Variants in TBC1D12 observed in about 807,000 individuals in gnomAD.
The protein encoded by TBC1D12 is TBC1 domain family, member 12.
In TBC1D12, 56 loss-of-function variants were observed where a neutral mutation model predicts 86.7. The observed-to-expected ratio is 0.65, with a 90% CI of 0.52 to 0.81. The LOEUF is 0.81. Among genes scored for constraint, TBC1D12 ranks in the 30% least tolerant of loss-of-function variants. The probability of loss-of-function intolerance (pLI) is 0.00; values close to 1 mark genes in which losing one functional copy is unlikely to be tolerated. For missense variants in TBC1D12, 1,023 were observed against 1,038.8 expected (o/e 0.98, Z 0.21); for synonymous variants, 421 against 411.7 (o/e 1.02, Z -0.27).
At chr10:94,457,260 C>T (rs191536463) in intron 2 of TBC1D12, among the ~76,000 whole-genome samples, 2 of 152,150 alleles carry the variant, frequency 1.3e-5, no homozygotes, top group Non-Finnish European at 2.9e-5. Context: ...CCCCTTGTCT[C>T]CCCACCCCCT....
chr10:94,512,745 C>T (rs1301420252), intron 9 of TBC1D12, among the ~76,000 whole-genome samples: 1 of 152,118 alleles, frequency 6.6e-6, no homozygotes, highest in Non-Finnish European at 1.5e-5. Context: ...TTGAAAAGAT[C>T]GTAAGATAGT....
chr10:94,422,287 T>C (rs530126546), intron 1 of TBC1D12, among the ~76,000 whole-genome samples: 3 of 150,854 alleles, frequency 2.0e-5, no homozygotes, highest in African/African-American at 7.3e-5. Flanking sequence ...CCTCCCGGGT[T>C]CAAGCAATTC....
At chr10:94,507,457 C>G (rs184484170) in intron 7 of TBC1D12, 110 bp downstream of exon 7, 3 of 985,896 alleles carry the variant, frequency 3.0e-6, no homozygotes, top group East Asian at 5.6e-5. Context: ...TAATCTTAAC[C>G]CTTTCAGTAA....
chr10:94,417,069 AC>A (rs2055009001), intron 1 of TBC1D12, among the ~76,000 whole-genome samples: 1 of 152,142 alleles, frequency 6.6e-6, no homozygotes, highest in South Asian at 2.1e-4. Flanking sequence ...AGTACAGGGA[AC>A]ATTTGTGGGT....
At chr10:94,451,929 T>A (rs1213009029) in intron 2 of TBC1D12, among the ~76,000 whole-genome samples, 1 of 152,018 alleles carries the variant, frequency 6.6e-6, no homozygotes, top group Non-Finnish European at 1.5e-5. Flanking sequence ...TTTTTTTAAA[T>A]TATTAAGTTG....
chr10:94,524,047 G>A (rs570079487), intron 11 of TBC1D12, among the ~76,000 whole-genome samples: 1 of 152,236 alleles, frequency 6.6e-6, no homozygotes, highest in African/African-American at 2.4e-5. Context: ...AAAGTTCAAA[G>A]TTTTTTAGAC....
intron 1 of TBC1D12, among the ~76,000 whole-genome samples, chr10:94,425,216 G>A (rs1183396560): frequency 6.6e-6 from 1 of 152,138 alleles, no homozygotes; most frequent in Non-Finnish European, 1.5e-5. Context: ...AGCATGGGGA[G>A]TTTTTTGTTT....
rs1420217828 is a variant in TBC1D12, at chr10:94,498,156, T to C, written c.1412+984T>C. Among the ~76,000 whole-genome samples, 2 of 152,128 alleles carry C rather than the reference T, an allele frequency of 1.3e-5. 1 individual carries two copies. Among genetic ancestry groups the C allele is most frequent in the Admixed American group, 1.3e-4 (2 of 15,276 alleles). On this transcript the variant is annotated intron_variant, in intron 5 of 12. Coordinates refer to ENST00000225235, the MANE Select transcript of TBC1D12 (RefSeq NM_015188.2). ...TTTCTTAATGCTAACATACCATCAA[T>C]TGTAAGACGCACTATTGATGTAATA...
Position 94,402,935 on chromosome 10 carries a change from G to A in TBC1D12, c.322G>A (p.Ala108Thr). The A allele has an allele frequency of 6.5e-7, 1 of 1,546,026 alleles. No homozygotes were observed. The highest frequency in any genetic ancestry group is 8.7e-7 in the Non-Finnish European group (1 of 1,151,268). ...PPPSAAPRSDACLLGSGSKHR... is the reference protein window; with the variant it reads ...PPPSAAPRSDTCLLGSGSKHR... ...GCCCTCGGCAGCCCCACGATCGGAC[G>A]CCTGCCTGCTGGGCTCGGGCTCCAA... is the stretch of plus-strand genomic sequence containing the variant. Residue 108 changes from alanine to threonine, a missense_variant, in exon 1 of 13, where the codon GCC (alanine) becomes ACC (threonine). Physicochemically the swap from Ala to Thr is moderately conservative, Grantham distance 58 (BLOSUM62 0). This residue lies in a region of TBC1D12 where 628 missense variants were observed against 531.1 expected (regional missense o/e 1.18). Coordinates refer to ENST00000225235, the MANE Select transcript of TBC1D12 (RefSeq NM_015188.2).
Position 94,493,264 on chromosome 10 carries a change from G to A in TBC1D12, c.1212-101G>A, listed in dbSNP as rs1196156715. On this transcript the variant is annotated intron_variant, in intron 3 of 12. Coordinates refer to ENST00000225235, the MANE Select transcript of TBC1D12 (RefSeq NM_015188.2). ...TTCCTTAATGTATGAAATGAGGTTA[G>A]TTTAGAAATTCTTTGCATCTGGGTG... The A allele has an allele frequency of 9.5e-6, 8 of 844,520 alleles. No individual in the cohort carries two copies. The East Asian group carries it at 1.8e-4, about 19-fold the overall frequency. 52.3% of individuals were successfully genotyped at this position (844,520 alleles called of 1,614,324 possible). A position where few individuals can be genotyped will look rare whatever the true frequency, so the allele number is the denominator to read the frequency against.
chr10:94,494,002 A>C (rs2056281982), intron 4 of TBC1D12, among the ~76,000 whole-genome samples: 1 of 151,696 alleles, frequency 6.6e-6, no homozygotes, highest in South Asian at 2.1e-4. Flanking sequence ...ATTTCTAATT[A>C]TTTTATAATT....
intron 3 of TBC1D12, among the ~76,000 whole-genome samples, chr10:94,487,620 C>T (rs539604555): frequency 1.6e-4 from 24 of 151,670 alleles, no homozygotes; most frequent in African/African-American, 5.6e-4. Context: ...CAACCTCATC[C>T]TCCTGCTTTT....
At chr10:94,436,778 A>T (rs1002790062) in intron 1 of TBC1D12, among the ~76,000 whole-genome samples, 1 of 151,820 alleles carries the variant, frequency 6.6e-6, no homozygotes, top group Admixed American at 6.6e-5. Flanking sequence ...TGCTTTTTTT[A>T]AAAAAAGAAA....
chr10:94,416,886 A>G (rs568300480), intron 1 of TBC1D12, among the ~76,000 whole-genome samples: 180 of 152,184 alleles, frequency 1.2e-3, no homozygotes, highest in Non-Finnish European at 2.2e-3. Flanking sequence ...ATAGAATTAT[A>G]TATAAAATAG....
At chr10:94,425,924 G>A (rs1052599197) in intron 1 of TBC1D12, among the ~76,000 whole-genome samples, 1 of 151,672 alleles carries the variant, frequency 6.6e-6, no homozygotes, top group East Asian at 2.0e-4. Flanking sequence ...TTAGTTTTTT[G>A]TGTTATTATA....
chr10:94,528,094 G>T lies in TBC1D12; in HGVS notation c.2001-3108G>T, dbSNP rs190958948. Among the ~76,000 whole-genome samples the T allele has an allele frequency of 4.4e-3, 660 of 151,700 alleles. 4 individuals carry two copies. Among genetic ancestry groups the T allele is most frequent in the African/African-American group, 0.015 (622 of 41,390 alleles). ...GAGGTTTTATATAAATTTTAGGATG[G>T]TTTTTTTATTTCTGTGAAGAGTGTC... is the stretch of plus-strand genomic sequence containing the variant. On this transcript the variant is annotated intron_variant, in intron 11 of 12. Transcript: ENST00000225235.
intron 7 of TBC1D12, among the ~76,000 whole-genome samples, chr10:94,507,565 A>T (rs1260196263): frequency 6.6e-6 from 1 of 152,246 alleles, no homozygotes; most frequent in Non-Finnish European, 1.5e-5. Context: ...AACTAAAAGT[A>T]TGTAAAAGGT....
chr10:94,449,256 C>A (rs1252848341), intron 2 of TBC1D12, among the ~76,000 whole-genome samples: 4 of 152,044 alleles, frequency 2.6e-5, no homozygotes, highest in Non-Finnish European at 5.9e-5. Flanking sequence ...CTGTCTTTAT[C>A]TCAGACTTGT....
intron 3 of TBC1D12, among the ~76,000 whole-genome samples, chr10:94,483,882 G>T (rs1422934120): frequency 3.3e-5 from 5 of 152,100 alleles, no homozygotes; most frequent in Non-Finnish European, 7.4e-5. Context: ...AGTTTCCCCA[G>T]TGTTTTCTTC....
Sources: allele counts gnomAD v4.1 joint callset (sites outside exome capture counted in the v4.1 genomes callset), GRCh38; gene constraint gnomAD v4.1.1; regional missense constraint gnomAD v4.1.1; transcripts MANE v1.5; gene names NCBI Gene and HGNC (gene_info 2026-07-23, HGNC 2026-07-21).